Variants in NR3C1 observed in about 807,000 individuals in gnomAD.
The protein encoded by NR3C1 is glucocorticoid receptor.
Under a neutral mutation model 74.0 loss-of-function variants are expected in NR3C1, and 14 were observed. The observed-to-expected ratio is 0.19, with a 90% CI of 0.12 to 0.30. NR3C1 has a LOEUF of 0.30. NR3C1 is among the 10% of genes least tolerant of loss of function. The probability of loss-of-function intolerance (pLI) is 1.00; values close to 1 mark genes in which losing one functional copy is unlikely to be tolerated. For missense variants in NR3C1, 695 were observed against 909.8 expected (o/e 0.76, Z 3.04); for synonymous variants, 308 against 332.5 (o/e 0.93, Z 0.80).
Position 143,281,782 on chromosome 5 carries a change from A to G in NR3C1, c.*107T>C. ...TATTTAAAACAAAACAACAGATGAA[A>G]ACAATAAAAAATAAAACAACAAAAC... is the stretch of plus-strand genomic sequence containing the variant. On this transcript the variant is annotated 3_prime_UTR_variant, in exon 9 of 9. Transcript: ENST00000394464. The G allele has an allele frequency of 8.0e-7, 1 of 1,255,362 alleles. No individual in the cohort carries two copies. The highest frequency in any genetic ancestry group is 1.1e-6 in the Non-Finnish European group (1 of 878,460). The allele number at this position is 1,255,362 out of a possible 1,614,324, so 77.8% of individuals were successfully genotyped here.
chr5:143,361,897 A>G (rs1384012509), intron 2 of NR3C1, among the ~76,000 whole-genome samples: 1 of 152,236 alleles, frequency 6.6e-6, no homozygotes, highest in Non-Finnish European at 1.5e-5. Context: ...ATGGTAAAAC[A>G]GCTTGAAAGA....
At chr5:143,373,945 AT>A (rs1834691369) in intron 2 of NR3C1, among the ~76,000 whole-genome samples, 1 of 152,190 alleles carries the variant, frequency 6.6e-6, no homozygotes, top group Admixed American at 6.5e-5. Context: ...TATGATGCCT[AT>A]GGTATGACAC....
chr5:143,400,673 G>A lies in NR3C1; in HGVS notation c.167C>T (p.Ser56Phe), dbSNP rs1840103303. 1 of 1,613,992 alleles carries A rather than the reference G, an allele frequency of 6.2e-7. No homozygotes were observed. The highest frequency in any genetic ancestry group is 1.1e-5 in the South Asian group (1 of 91,088). ...ATCAACCAAAAGTCTTCGCTGCTTG[G>A]AGTCTGATTGAGAAGCGACAGCCAG... ...PSLAVASQSD[S>F]KQRRLLVDFP... Residue 56 changes from serine to phenylalanine, a missense_variant, in exon 2 of 9, where the codon TCC (serine) becomes TTC (phenylalanine). This residue lies in a region of NR3C1 where 497 missense variants were observed against 489.5 expected (regional missense o/e 1.02). Transcript: ENST00000394464.
At chr5:143,390,922 C>T (rs1394853924) in intron 2 of NR3C1, among the ~76,000 whole-genome samples, 1 of 152,086 alleles carries the variant, frequency 6.6e-6, no homozygotes, top group Non-Finnish European at 1.5e-5. Flanking sequence ...TACTATAGTG[C>T]AATGAGTCCG....
At chr5:143,294,374 A>G (rs1379472094) in intron 7 of NR3C1, 1 of 866,624 alleles carries the variant, frequency 1.2e-6, no homozygotes, top group Admixed American at 6.2e-5. Flanking sequence ...AAGGTTTATA[A>G]TACCAACTAG....
At chr5:143,337,364 C>G (rs1252389395) in intron 2 of NR3C1, among the ~76,000 whole-genome samples, 1 of 152,102 alleles carries the variant, frequency 6.6e-6, no homozygotes, top group African/African-American at 2.4e-5. Flanking sequence ...TAAGATGTGT[C>G]CTGAGTTTAA....
chr5:143,425,909 A>T (rs1472134117), intron 1 of NR3C1, among the ~76,000 whole-genome samples: 11 of 152,220 alleles, frequency 7.2e-5, no homozygotes, highest in Non-Finnish European at 1.2e-4. Context: ...TCTGCCCAAA[A>T]ACTTGTACAT....
chr5:143,299,139 A>G (rs1817948539), intron 5 of NR3C1, among the ~76,000 whole-genome samples: 1 of 150,602 alleles, frequency 6.6e-6, no homozygotes, highest in East Asian at 2.0e-4. Context: ...CCAGCCTCCC[A>G]AGTAGCTAGG....
At chr5:143,333,769 AAAACAAAC>A (rs374779843) in intron 2 of NR3C1, among the ~76,000 whole-genome samples, 313 of 152,190 alleles carry the variant, frequency 2.1e-3, no homozygotes, top group Middle Eastern at 0.017. Flanking sequence ...TCCATCTCAA[AAAACAAAC>A]AAACAAACAA....
chr5:143,289,202 A>C lies in NR3C1; in HGVS notation c.2023+6258T>G, dbSNP rs1457215005. Among the ~76,000 whole-genome samples the C allele has an allele frequency of 2.6e-5, 4 of 152,246 alleles. No individual in the cohort carries two copies. In the East Asian group the frequency reaches 7.7e-4, roughly 29 times the overall value. ...TCAAGATTTACTGTAATGCAACAGT[A>C]ATCAAGACAGGGTGTTATCAATATG... On this transcript the variant is annotated intron_variant, in intron 7 of 8. Coordinates refer to ENST00000394464, the MANE Select transcript of NR3C1 (RefSeq NM_000176.3).
At chr5:143,389,209 T>TCTAAACCA (rs1837799143) in intron 2 of NR3C1, among the ~76,000 whole-genome samples, 1 of 152,180 alleles carries the variant, frequency 6.6e-6, no homozygotes, top group Non-Finnish European at 1.5e-5. Flanking sequence ...TCCATGCTGC[T>TCTAAACCA]GGGGATATTC....
chr5:143,354,599 G>A, intron 2 of NR3C1, among the ~76,000 whole-genome samples: 1 of 152,100 alleles, frequency 6.6e-6, no homozygotes, highest in East Asian at 1.9e-4. Flanking sequence ...ATTAAGTACG[G>A]TGCCTTATAC....
chr5:143,361,928 T>A (rs1220087395), intron 2 of NR3C1, among the ~76,000 whole-genome samples: 1 of 152,192 alleles, frequency 6.6e-6, no homozygotes, highest in Non-Finnish European at 1.5e-5. Context: ...TGAATTTTGG[T>A]CAATACGAAT....
intron 7 of NR3C1, among the ~76,000 whole-genome samples, chr5:143,293,077 T>C (rs1816313930): frequency 6.6e-6 from 1 of 152,218 alleles, no homozygotes; most frequent in African/African-American, 2.4e-5. Context: ...TTCAACTGCA[T>C]TTATATTTCC....
intron 2 of NR3C1, among the ~76,000 whole-genome samples, chr5:143,382,299 C>T (rs570131586): frequency 1.3e-5 from 2 of 152,130 alleles, no homozygotes; most frequent in East Asian, 1.9e-4. Flanking sequence ...TATATGCCTA[C>T]TATATACCCA....
chr5:143,332,152 T>C (rs1600041758), intron 2 of NR3C1, among the ~76,000 whole-genome samples: 1 of 152,164 alleles, frequency 6.6e-6, no homozygotes. Context: ...AAATGTGTCA[T>C]TGCTGATAAA....
chr5:143,354,746 A>G (rs762580406), intron 2 of NR3C1, among the ~76,000 whole-genome samples: 2 of 152,032 alleles, frequency 1.3e-5, no homozygotes, highest in Non-Finnish European at 2.9e-5. Context: ...AACATGGGGA[A>G]TCCCCATCTC....
At chr5:143,310,021 G>A (rs72481842) in intron 4 of NR3C1, 76 bp downstream of exon 4, 27 of 1,045,160 alleles carry the variant, frequency 2.6e-5, no homozygotes, top group Middle Eastern at 2.7e-4. Context: ...ATCTGCTTAC[G>A]TGTATCTTCA....
intron 2 of NR3C1, among the ~76,000 whole-genome samples, chr5:143,322,962 A>G (rs1823688366): frequency 6.6e-6 from 1 of 152,208 alleles, no homozygotes; most frequent in African/African-American, 2.4e-5. Flanking sequence ...AATTTAAAGG[A>G]ATAATCTTAG....
Sources: gnomAD v4.1 joint callset for allele counts (sites outside exome capture counted in the v4.1 genomes callset) on GRCh38, gnomAD v4.1.1 for gene constraint, gnomAD v4.1.1 regional missense constraint, MANE v1.5 for transcripts, NCBI Gene and HGNC (gene_info 2026-07-23, HGNC 2026-07-21) for gene names.